Variants in GRB10 observed in about 807,000 individuals in gnomAD.
GRB10 encodes growth factor receptor-bound protein 10.
Under a neutral mutation model 80.9 loss-of-function variants are expected in GRB10, and 20 were observed. The ratio of observed to expected loss-of-function variants is 0.25; its 90% confidence interval spans 0.17 to 0.36. The LOEUF is 0.36. Ranked by LOEUF, GRB10 falls within the 10% of genes least tolerant of loss-of-function variation. GRB10 has a pLI of 1.00. For missense variants in GRB10, 548 were observed against 747.7 expected (o/e 0.73, Z 3.12); for synonymous variants, 291 against 291.5 (o/e 1.00, Z 0.02).
intron 3 of GRB10, among the ~76,000 whole-genome samples, chr7:50,749,668 C>T (rs997926598): frequency 5.9e-5 from 9 of 152,146 alleles, no homozygotes; most frequent in Non-Finnish European, 8.8e-5. Context: ...AGGTAATCAT[C>T]TTCTAATGCA....
At chr7:50,605,168 C>A (rs200085951) in intron 15 of GRB10, 122 bp downstream of exon 15, 1 of 581,734 alleles carries the variant, frequency 1.7e-6, no homozygotes, top group African/African-American at 3.2e-5. Context: ...TGAGAACTCA[C>A]CCCACCCAAC....
At chr7:50,749,553 C>G (rs2073755855) in intron 3 of GRB10, among the ~76,000 whole-genome samples, 1 of 152,158 alleles carries the variant, frequency 6.6e-6, no homozygotes, top group Non-Finnish European at 1.5e-5. Flanking sequence ...ACCAGAGCTT[C>G]TATAAATAAT....
At chr7:50,748,168 G>A (rs747711747) in intron 3 of GRB10, among the ~76,000 whole-genome samples, 5 of 152,152 alleles carry the variant, frequency 3.3e-5, no homozygotes, top group Admixed American at 1.3e-4. Context: ...CTCACCCCCC[G>A]CCCCATCTTT....
intron 4 of GRB10, among the ~76,000 whole-genome samples, chr7:50,716,136 G>T (rs1464671769): frequency 2.0e-5 from 3 of 152,194 alleles, no homozygotes; most frequent in African/African-American, 4.8e-5. Flanking sequence ...AGAACCACCA[G>T]AATGAAGGAG....
chr7:50,728,378 C>T (rs370880367), intron 4 of GRB10, among the ~76,000 whole-genome samples: 5 of 152,260 alleles, frequency 3.3e-5, no homozygotes, highest in Admixed American at 6.5e-5. Context: ...AGCTCCTCCA[C>T]GCACTGCCAA....
chr7:50,681,087 T>C (rs1284194658), intron 5 of GRB10, among the ~76,000 whole-genome samples: 1 of 152,238 alleles, frequency 6.6e-6, no homozygotes, highest in Non-Finnish European at 1.5e-5. Flanking sequence ...TCTTTCTAAA[T>C]AAAGCACTAC....
intron 7 of GRB10, among the ~76,000 whole-genome samples, chr7:50,654,424 G>A (rs1233164767): frequency 6.6e-6 from 1 of 152,206 alleles, no homozygotes; most frequent in East Asian, 1.9e-4. Context: ...TGCAGAGCTT[G>A]CCCTGGTCTG....
intron 8 of GRB10, among the ~76,000 whole-genome samples, chr7:50,620,969 C>G (rs1387707355): frequency 6.6e-6 from 1 of 152,158 alleles, no homozygotes; most frequent in East Asian, 1.9e-4. Flanking sequence ...ATTTACAGAA[C>G]TAAAAATTTT....
intron 7 of GRB10, among the ~76,000 whole-genome samples, chr7:50,638,646 A>T (rs751493307): frequency 2.6e-5 from 4 of 152,242 alleles, no homozygotes; most frequent in Non-Finnish European, 5.9e-5. Context: ...TGTTGGTGGG[A>T]ATGTAAATTA....
chr7:50,734,146 G>C (rs902253143), intron 3 of GRB10, among the ~76,000 whole-genome samples: 7 of 152,090 alleles, frequency 4.6e-5, no homozygotes, highest in Non-Finnish European at 1.0e-4. Context: ...CGTTGAGGTG[G>C]ATCAGTGCCC....
chr7:50,721,948 C>T lies in GRB10; in HGVS notation c.51+10324G>A, dbSNP rs557675241. 1.6e-4 allele frequency among the ~76,000 whole-genome samples: 24 copies of T among 152,330 alleles called. No homozygotes were observed. The South Asian group carries it at 1.9e-3, about 12-fold the overall frequency. On this transcript the variant is annotated intron_variant, in intron 4 of 18. Transcript: ENST00000401949. ...GCCAAGAAACGGAAGAAGAAGACAGCGCGTGGAGCGGGGAGAAGGGAGCAG... is the reference window on the plus strand; with the variant it reads ...GCCAAGAAACGGAAGAAGAAGACAGTGCGTGGAGCGGGGAGAAGGGAGCAG...
intron 5 of GRB10, among the ~76,000 whole-genome samples, chr7:50,687,620 A>G (rs536799632): frequency 6.6e-6 from 1 of 152,292 alleles, no homozygotes; most frequent in African/African-American, 2.4e-5. Flanking sequence ...GGAAGACACC[A>G]TTTTGCATGT....
At chr7:50,731,066 AG>A in intron 4 of GRB10, among the ~76,000 whole-genome samples, 1 of 152,162 alleles carries the variant, frequency 6.6e-6, no homozygotes, top group Non-Finnish European at 1.5e-5. Flanking sequence ...CAATGGGGGG[AG>A]GCAACCACAG....
intron 8 of GRB10, among the ~76,000 whole-genome samples, chr7:50,624,157 C>G (rs1218919398): frequency 6.6e-6 from 1 of 152,206 alleles, no homozygotes; most frequent in African/African-American, 2.4e-5. Context: ...CACTACCTGC[C>G]TTTTGCCCCA....
chr7:50,751,174 T>TCC (rs2074047253), intron 3 of GRB10, among the ~76,000 whole-genome samples: 1 of 151,896 alleles, frequency 6.6e-6, no homozygotes, highest in Non-Finnish European at 1.5e-5. Flanking sequence ...GAGCTCAGAC[T>TCC]CCAGGTAGAC....
chr7:50,701,678 G>T (rs918829104), intron 5 of GRB10, among the ~76,000 whole-genome samples: 3 of 152,142 alleles, frequency 2.0e-5, no homozygotes, highest in Non-Finnish European at 4.4e-5. Context: ...GCTTTATTTG[G>T]CCTTCCCTAG....
At chr7:50,770,487 C>T (rs2076881085) in intron 2 of GRB10, among the ~76,000 whole-genome samples, 1 of 152,232 alleles carries the variant, frequency 6.6e-6, no homozygotes, top group Non-Finnish European at 1.5e-5. Flanking sequence ...TGTGCTTCCA[C>T]CTGTGGTAGC....
chr7:50,628,099 C>T (rs1743333093), intron 7 of GRB10, among the ~76,000 whole-genome samples: 1 of 152,266 alleles, frequency 6.6e-6, no homozygotes. Flanking sequence ...AACTCTCACA[C>T]CAACTGGTCA....
chr7:50,604,279 T>C, intron 16 of GRB10, 32 bp downstream of exon 16: 4 of 1,578,640 alleles, frequency 2.5e-6, no homozygotes, highest in Non-Finnish European at 3.5e-6. Context: ...TTTCTTTATG[T>C]ACAAAAACAT....
Sources: gnomAD v4.1 joint callset for allele counts (sites outside exome capture counted in the v4.1 genomes callset) on GRCh38, gnomAD v4.1.1 for gene constraint, MANE v1.5 for transcripts, NCBI Gene and HGNC (gene_info 2026-07-23, HGNC 2026-07-21) for gene names.